Variants in NMNAT3 observed in about 807,000 individuals in gnomAD.
NMNAT3 encodes the protein nicotinamide/nicotinic acid mononucleotide adenylyltransferase 3.
In NMNAT3, 21 loss-of-function variants were observed where a neutral mutation model predicts 24.8. That is an observed-to-expected ratio of 0.85 (90% CI 0.60 to 1.22). The LOEUF (loss-of-function observed/expected upper bound fraction) is 1.22. Ranked by LOEUF, NMNAT3 falls within the 50% of genes most tolerant of loss-of-function variation. The probability of loss-of-function intolerance (pLI) is 0.00; values close to 1 mark genes in which losing one functional copy is unlikely to be tolerated. For missense variants in NMNAT3, 387 were observed against 436.6 expected, an observed-to-expected ratio of 0.89 and a Z score of 1.01; for synonymous variants, 136 against 155.2, an observed-to-expected ratio of 0.88 and a Z score of 0.92.
chr3:139,613,770 T>C (rs1162942967), intron 3 of NMNAT3, among the ~76,000 whole-genome samples: 1 of 151,948 alleles, frequency 6.6e-6, no homozygotes, highest in African/African-American at 2.4e-5. Flanking sequence ...ATTAAGAAAA[T>C]GTGGCACATA....
intron 3 of NMNAT3, among the ~76,000 whole-genome samples, chr3:139,592,035 A>C (rs1218905600): frequency 1.3e-5 from 2 of 152,208 alleles, no homozygotes; most frequent in African/African-American, 2.4e-5. Context: ...TACGGGAGGA[A>C]ATTCAAACCA....
Position 139,573,671 on chromosome 3 carries a change from G to T in NMNAT3, c.585C>A (p.His195Gln). 3 of 1,596,594 alleles carry T rather than the reference G, an allele frequency of 1.9e-6. No individual in the cohort carries two copies. Among genetic ancestry groups the T allele is most frequent in the Non-Finnish European group, 2.6e-6 (3 of 1,171,342 alleles). Residue 195 changes from histidine (H) to glutamine (Q), a missense_variant, in exon 6 of 7, where the codon CAC (histidine) becomes CAA (glutamine). This residue lies in a region of NMNAT3 where 323 missense variants were observed against 345.2 expected (regional missense o/e 0.94). Coordinates refer to ENST00000643695, the MANE Select transcript of NMNAT3 (RefSeq NM_001320510.2). ...GGGGTGGAGATCTGAGCAGTTTGCT[G>T]TGATGATGCCTGTGTTGTAAACATA...
chr3:139,597,281 T>C (rs1026408698), intron 3 of NMNAT3, among the ~76,000 whole-genome samples: 2 of 152,092 alleles, frequency 1.3e-5, no homozygotes, highest in African/African-American at 4.8e-5. Context: ...GAAGGATCCT[T>C]ACAGTTCTAA....
At chr3:139,566,054 C>G (rs1937140015) in intron 6 of NMNAT3, 1 of 152,156 alleles carries the variant, frequency 6.6e-6, no homozygotes, top group Non-Finnish European at 1.5e-5. Context: ...GATCGCCATT[C>G]TAACTGGTGT....
chr3:139,619,208 G>T (rs1273116198), intron 3 of NMNAT3, among the ~76,000 whole-genome samples: 2 of 152,154 alleles, frequency 1.3e-5, no homozygotes, highest in Non-Finnish European at 2.9e-5. Flanking sequence ...CAGCAATAGT[G>T]CTTGGAAGAT....
At chr3:139,649,648 G>T (rs2056990267) in intron 1 of NMNAT3, among the ~76,000 whole-genome samples, 1 of 152,094 alleles carries the variant, frequency 6.6e-6, no homozygotes, top group African/African-American at 2.4e-5. Flanking sequence ...GTTAGCTATT[G>T]TACGCAGCCC....
chr3:139,622,784 T>TATATC, intron 3 of NMNAT3, among the ~76,000 whole-genome samples: 1 of 142,066 alleles, frequency 7.0e-6, no homozygotes, highest in Non-Finnish European at 1.5e-5. Flanking sequence ...ATATATGATA[T>TATATC]ATATATGATA....
At chr3:139,632,159 C>T (rs1426212207) in intron 2 of NMNAT3, among the ~76,000 whole-genome samples, 1 of 152,122 alleles carries the variant, frequency 6.6e-6, no homozygotes, top group Non-Finnish European at 1.5e-5. Flanking sequence ...ACAACAGAGT[C>T]AGTGTCTATC....
At chr3:139,599,320 G>T (rs1378476812) in intron 3 of NMNAT3, 2 of 702,484 alleles carry the variant, frequency 2.8e-6, no homozygotes, top group East Asian at 2.7e-5. Flanking sequence ...CAGTTCTGGG[G>T]CTTTTGCTGG....
At chr3:139,610,469 C>T (rs1316413423) in intron 3 of NMNAT3, among the ~76,000 whole-genome samples, 3 of 152,152 alleles carry the variant, frequency 2.0e-5, no homozygotes, top group African/African-American at 7.2e-5. Context: ...TGGTTCAAAA[C>T]AATTGTTGGA....
At chr3:139,618,943 C>T (rs2055634567) in intron 3 of NMNAT3, among the ~76,000 whole-genome samples, 1 of 152,142 alleles carries the variant, frequency 6.6e-6, no homozygotes, top group African/African-American at 2.4e-5. Context: ...TCTTGTCAGC[C>T]TTATGTTTCT....
At chr3:139,576,098 G>T (rs1318612981) in intron 5 of NMNAT3, 1 of 1,269,100 alleles carries the variant, frequency 7.9e-7, no homozygotes, top group Non-Finnish European at 1.0e-6. Context: ...ACATCATAGA[G>T]ATGTTTGTTA....
intron 1 of NMNAT3, among the ~76,000 whole-genome samples, chr3:139,672,946 G>T (rs2057805821): frequency 6.6e-6 from 1 of 152,160 alleles, no homozygotes; most frequent in Non-Finnish European, 1.5e-5. Flanking sequence ...TGCTGGCATG[G>T]CATGGCTCTG....
chr3:139,647,937 C>T (rs747565904), intron 1 of NMNAT3, among the ~76,000 whole-genome samples: 7 of 152,198 alleles, frequency 4.6e-5, no homozygotes, highest in Non-Finnish European at 1.0e-4. Flanking sequence ...TGTACAAAAG[C>T]TATCCCCCAG....
At chr3:139,576,415 TA>T in intron 5 of NMNAT3, 1 of 262,812 alleles carries the variant, frequency 3.8e-6, no homozygotes, top group Non-Finnish European at 5.9e-6. Context: ...ACAAAATACA[TA>T]TGGGAACCTT....
chr3:139,627,565 T>A (rs2056106746), intron 3 of NMNAT3, 51 bp downstream of exon 4: 8 of 1,082,328 alleles, frequency 7.4e-6, no homozygotes, highest in Non-Finnish European at 1.0e-5. Flanking sequence ...AAAAGCCCCA[T>A]GAAGCCTAAC....
intron 1 of NMNAT3, among the ~76,000 whole-genome samples, chr3:139,666,307 G>A (rs1325270517): frequency 1.3e-5 from 2 of 152,104 alleles, no homozygotes; most frequent in Admixed American, 1.3e-4. Context: ...GCTCCCACCT[G>A]GTCCTCCAGG....
chr3:139,655,738 T>C (rs370157445), intron 1 of NMNAT3, among the ~76,000 whole-genome samples: 2 of 152,352 alleles, frequency 1.3e-5, no homozygotes, highest in East Asian at 1.9e-4. Flanking sequence ...GTTTGAAAAC[T>C]AAAATGTAAG....
chr3:139,607,399 A>G (rs1244459379), intron 3 of NMNAT3, among the ~76,000 whole-genome samples: 2 of 152,178 alleles, frequency 1.3e-5, no homozygotes, highest in East Asian at 3.9e-4. Flanking sequence ...GTACTTACAT[A>G]AAATAGTTTC....
Sources: gnomAD v4.1 joint callset for allele counts (sites outside exome capture counted in the v4.1 genomes callset) on GRCh38, gnomAD v4.1.1 for gene constraint, gnomAD v4.1.1 regional missense constraint, MANE v1.5 for transcripts, NCBI Gene and HGNC (gene_info 2026-07-23, HGNC 2026-07-21) for gene names.